SCAPER: variants seen among roughly 807,000 people sequenced by gnomAD.
SCAPER encodes the protein S phase cyclin A-associated protein in the endoplasmic reticulum.
A neutral mutation model predicts 182.2 loss-of-function variants in SCAPER; 98 were observed. That is an observed-to-expected ratio of 0.54 (90% CI 0.46 to 0.64). SCAPER has a LOEUF of 0.64. SCAPER is among the 30% of genes least tolerant of loss of function. The pLI, the probability that SCAPER is intolerant of heterozygous loss-of-function variation, is 0.00. For synonymous variants in SCAPER, 605 were observed against 564.6 expected, an observed-to-expected ratio of 1.07 and a Z score of -1.01; for missense variants, 1,432 against 1,690.0, an observed-to-expected ratio of 0.85 and a Z score of 2.68.
chr15:76,607,348 A>G (rs1322234768), intron 22 of SCAPER, among the ~76,000 whole-genome samples: 1 of 151,964 alleles, frequency 6.6e-6, no homozygotes, highest in Non-Finnish European at 1.5e-5. Flanking sequence ...ACTGGCCCCC[A>G]CTCTCTTCTG....
chr15:76,348,762 A>C, intron 31 of SCAPER, 26 bp from the exon 32 acceptor site: 1 of 1,382,186 alleles, frequency 7.2e-7, no homozygotes, highest in Non-Finnish European at 9.8e-7. Flanking sequence ...AAGAGAAAAA[A>C]GTTAAATAAA....
chr15:76,621,637 T>G (rs1163267795), intron 22 of SCAPER, 127 bp downstream of exon 22: 7 of 793,888 alleles, frequency 8.8e-6, no homozygotes. Context: ...TACTACTGTG[T>G]TAAGAGAATG....
chr15:76,869,786 T>C (rs929495488), intron 2 of SCAPER, among the ~76,000 whole-genome samples: 1 of 152,118 alleles, frequency 6.6e-6, no homozygotes, highest in African/African-American at 2.4e-5. Context: ...AACTAATATA[T>C]CAAAAAGTTA....
chr15:76,439,918 G>A (rs1360461488), intron 25 of SCAPER, among the ~76,000 whole-genome samples: 2 of 152,080 alleles, frequency 1.3e-5, no homozygotes. Flanking sequence ...ATGGATGAAA[G>A]GTATTTCCTT....
intron 21 of SCAPER, among the ~76,000 whole-genome samples, chr15:76,656,292 CCAGA>C (rs768523668): frequency 2.6e-5 from 4 of 151,994 alleles, no homozygotes; most frequent in Non-Finnish European, 5.9e-5. Context: ...CCACAACAAA[CCAGA>C]CAAAGAAGAG....
At chr15:76,412,782 C>T (rs2045382933) in intron 26 of SCAPER, among the ~76,000 whole-genome samples, 1 of 152,086 alleles carries the variant, frequency 6.6e-6, no homozygotes. Context: ...CTAAAGCCTG[C>T]TGGGATTTTG....
intron 27 of SCAPER, among the ~76,000 whole-genome samples, chr15:76,386,685 A>G (rs4886493): frequency 0.32 from 48,933 of 151,982 alleles, 8,255 homozygotes; most frequent in East Asian, 0.58. Flanking sequence ...AGGGTGTTTC[A>G]GGTAAAAGAG....
chr15:76,651,261 G>A (rs573276178), intron 21 of SCAPER, among the ~76,000 whole-genome samples: 7 of 152,094 alleles, frequency 4.6e-5, no homozygotes, highest in African/African-American at 7.2e-5. Context: ...CGGGGGGAAC[G>A]AAGGAAGAAA....
At position 76,390,207 on chromosome 15, in the gene SCAPER, C is replaced by T. The variant is rs1181391131; in HGVS notation, c.3468-8592G>A. Among the ~76,000 whole-genome samples, 3 of 152,156 alleles carry T rather than the reference C, an allele frequency of 2.0e-5. No homozygotes were observed. The East Asian group carries it at 5.8e-4, about 29-fold the overall frequency. The stretch of plus-strand genomic sequence containing the variant: ...CTAGCCTCAAGTGATCCTCCTACCT[C>T]ACCTCTCAAAGTATTGGGATTGCAG... On this transcript the variant is annotated intron_variant, in intron 27 of 31. Coordinates refer to ENST00000563290, the MANE Select transcript of SCAPER (RefSeq NM_020843.4).
At chr15:76,416,199 G>C (rs1316210740) in intron 26 of SCAPER, among the ~76,000 whole-genome samples, 1 of 152,076 alleles carries the variant, frequency 6.6e-6, no homozygotes, top group East Asian at 1.9e-4. Flanking sequence ...TACTGGCTGG[G>C]TGCGGTGGCT....
intron 23 of SCAPER, among the ~76,000 whole-genome samples, chr15:76,572,832 C>T (rs1257845794): frequency 6.6e-6 from 1 of 151,320 alleles, no homozygotes; most frequent in Admixed American, 6.6e-5. Context: ...TAAAGAAGTT[C>T]TTGTTTATTT....
intron 21 of SCAPER, among the ~76,000 whole-genome samples, chr15:76,653,139 C>T (rs1353006409): frequency 6.6e-6 from 1 of 151,928 alleles, no homozygotes; most frequent in East Asian, 1.9e-4. Context: ...AAATGAAATA[C>T]CTAAGAATAT....
intron 25 of SCAPER, among the ~76,000 whole-genome samples, chr15:76,457,137 G>A (rs284899): frequency 0.62 from 93,646 of 151,268 alleles, 29,393 homozygotes; most frequent in Middle Eastern, 0.69. Flanking sequence ...ATCTTGGCTC[G>A]CCGCAACCTC....
chr15:76,840,652 A>C (rs893171508), intron 5 of SCAPER, among the ~76,000 whole-genome samples: 3 of 152,332 alleles, frequency 2.0e-5, no homozygotes, highest in Non-Finnish European at 4.4e-5. Context: ...TCAAAGGTTA[A>C]ATAATGAATT....
intron 20 of SCAPER, among the ~76,000 whole-genome samples, chr15:76,694,354 T>C (rs1464271820): frequency 6.6e-6 from 1 of 152,148 alleles, no homozygotes; most frequent in Non-Finnish European, 1.5e-5. Context: ...GATGTGATTA[T>C]GAATGAGATA....
chr15:76,713,118 T>A (rs534658191), intron 17 of SCAPER, among the ~76,000 whole-genome samples: 13 of 152,254 alleles, frequency 8.5e-5, no homozygotes, highest in African/African-American at 3.1e-4. Context: ...GTACCATCAA[T>A]ACAGGAAACA....
At chr15:76,616,272 G>A (rs1421623654) in intron 22 of SCAPER, among the ~76,000 whole-genome samples, 1 of 152,142 alleles carries the variant, frequency 6.6e-6, no homozygotes, top group Non-Finnish European at 1.5e-5. Context: ...ACATATAGTG[G>A]AGTATTATTC....
intron 21 of SCAPER, among the ~76,000 whole-genome samples, chr15:76,627,353 CT>C (rs2052681585): frequency 6.6e-6 from 1 of 152,090 alleles, no homozygotes; most frequent in African/African-American, 2.4e-5. Flanking sequence ...ATCCATGAAT[CT>C]TTTTTTCCAT....
At chr15:76,705,471 C>T (rs1055375443) in intron 18 of SCAPER, among the ~76,000 whole-genome samples, 3 of 150,782 alleles carry the variant, frequency 2.0e-5, no homozygotes, top group African/African-American at 7.3e-5. Flanking sequence ...ATGGGTGCAG[C>T]ACACCAGCAT....
Sources: gnomAD v4.1 joint callset for allele counts (sites outside exome capture counted in the v4.1 genomes callset) on GRCh38, gnomAD v4.1.1 for gene constraint, MANE v1.5 for transcripts, NCBI Gene and HGNC (gene_info 2026-07-23, HGNC 2026-07-21) for gene names.